MKX: variants seen among roughly 807,000 people sequenced by gnomAD.
MKX encodes the protein mohawk homeobox, also known as homeobox protein Mohawk.
A neutral mutation model predicts 36.0 loss-of-function variants in MKX; 13 were observed. The observed-to-expected ratio is 0.36, with a 90% CI of 0.24 to 0.57. The LOEUF is 0.57. MKX is among the 20% of genes least tolerant of loss of function. The probability of loss-of-function intolerance (pLI) is 0.79; values close to 1 mark genes in which losing one functional copy is unlikely to be tolerated. For missense variants in MKX, 458 were observed against 456.4 expected (o/e 1.00, Z -0.03); for synonymous variants, 176 against 178.3 (o/e 0.99, Z 0.10).
intron 5 of MKX, among the ~76,000 whole-genome samples, chr10:27,683,925 A>C (rs1308622552): frequency 6.6e-6 from 1 of 152,186 alleles, no homozygotes; most frequent in Admixed American, 6.5e-5. Flanking sequence ...TGCAGTCTCC[A>C]TCTCTACTTC....
chr10:27,723,664 TC>T (rs1399680226), intron 5 of MKX, among the ~76,000 whole-genome samples: 2 of 152,198 alleles, frequency 1.3e-5, no homozygotes, highest in African/African-American at 4.8e-5. Flanking sequence ...AGGAATTCTC[TC>T]CCTTGCCAGA....
intron 3 of MKX, among the ~76,000 whole-genome samples, chr10:27,738,389 C>T (rs987063832): frequency 6.6e-6 from 1 of 152,012 alleles, no homozygotes; most frequent in African/African-American, 2.4e-5. Flanking sequence ...TTCAAATTTT[C>T]CACTTTTAAT....
chr10:27,734,799 G>A lies in MKX; in HGVS notation c.503-8C>T. 6.3e-7 allele frequency: 1 copy of A among 1,599,062 alleles called. No individual in the cohort carries two copies. Among genetic ancestry groups the A allele is most frequent in the Middle Eastern group, 1.7e-4 (1 of 5,880 alleles). On this transcript the variant is annotated splice_region_variant and splice_polypyrimidine_tract_variant and intron_variant, in intron 4 of 6. Coordinates refer to ENST00000419761, the MANE Select transcript of MKX (RefSeq NM_173576.3). The stretch of plus-strand genomic sequence containing the variant: ...TTGGAGGATTTTCTCCATCTAAAGT[G>A]GAACAGTATCACTAAGTAGGGTGGT...
At chr10:27,727,698 C>A (rs763515862) in intron 5 of MKX, among the ~76,000 whole-genome samples, 44 of 152,152 alleles carry the variant, frequency 2.9e-4, no homozygotes, top group Non-Finnish European at 8.8e-5. Context: ...TAGAAAAGTT[C>A]TCTTTTAAAA....
intron 5 of MKX, among the ~76,000 whole-genome samples, chr10:27,714,813 T>C (rs895661860): frequency 5.3e-5 from 8 of 152,246 alleles, no homozygotes; most frequent in African/African-American, 1.9e-4. Context: ...CCTTAAACCT[T>C]GATTAGATGT....
At chr10:27,705,586 C>A (rs1836733425) in intron 5 of MKX, among the ~76,000 whole-genome samples, 1 of 152,058 alleles carries the variant, frequency 6.6e-6, no homozygotes, top group Admixed American at 6.5e-5. Flanking sequence ...AACTCATGGC[C>A]CCAAGCAATC....
intron 5 of MKX, among the ~76,000 whole-genome samples, chr10:27,687,733 C>T (rs1040807154): frequency 6.6e-6 from 1 of 152,366 alleles, no homozygotes; most frequent in South Asian, 2.1e-4. Context: ...GATTGCTCCT[C>T]TGTGATCTCA....
chr10:27,736,931 A>G (rs1464760322), intron 3 of MKX, among the ~76,000 whole-genome samples: 1 of 152,150 alleles, frequency 6.6e-6, no homozygotes, highest in East Asian at 1.9e-4. Flanking sequence ...AAGCTATGTT[A>G]CTATTACTAA....
chr10:27,741,049 A>T lies in MKX; in HGVS notation c.348+296T>A. Among the ~76,000 whole-genome samples, 1 of 152,144 alleles carries T rather than the reference A, an allele frequency of 6.6e-6. No individual in the cohort carries two copies. Among genetic ancestry groups the T allele is most frequent in the Admixed American group, 6.5e-5 (1 of 15,286 alleles). ...CGAAACTCGGAGGTGGGGCCTAGCG[A>T]TTCGTGTTTTAAGCTCTCCAGGCGA... On this transcript the variant is annotated intron_variant, in intron 3 of 6. Transcript: ENST00000419761. The surrounding 1 kb of genome is among the most constrained non-coding windows in gnomAD (Gnocchi z 5.1).
intron 5 of MKX, among the ~76,000 whole-genome samples, chr10:27,715,772 C>T (rs904711518): frequency 1.3e-5 from 2 of 152,104 alleles, no homozygotes; most frequent in Non-Finnish European, 2.9e-5. Context: ...CGTCAGCTGC[C>T]TGAGATGAGA....
chr10:27,740,124 C>A (rs1323229453), intron 3 of MKX, among the ~76,000 whole-genome samples: 1 of 152,160 alleles, frequency 6.6e-6, no homozygotes, highest in Non-Finnish European at 1.5e-5. Context: ...ATTACGTATT[C>A]TAGTATTGAT....
chr10:27,701,626 T>C (rs1337943850), intron 5 of MKX, among the ~76,000 whole-genome samples: 1 of 145,058 alleles, frequency 6.9e-6, no homozygotes, highest in African/African-American at 2.5e-5. Context: ...AATATTAAAA[T>C]AATAATATAT....
At chr10:27,732,198 C>G (rs929322148) in intron 5 of MKX, among the ~76,000 whole-genome samples, 1 of 151,904 alleles carries the variant, frequency 6.6e-6, no homozygotes, top group East Asian at 1.9e-4. Flanking sequence ...AAAATTGATA[C>G]TTTTTATATG....
At position 27,744,576 on chromosome 10, in the gene MKX, C is replaced by G. The variant is rs1835004937; in HGVS notation, c.-82-1079G>C. On this transcript the variant is annotated intron_variant, in intron 1 of 6. Coordinates refer to ENST00000419761, the MANE Select transcript of MKX (RefSeq NM_173576.3). The surrounding 1 kb of genome is among the most constrained non-coding windows in gnomAD (Gnocchi z 5.6). ...CCCCAAGGCGCGCGGCGGACTTCGC[C>G]CGCCCCATCTCCTCGCCTCGCGCCT... Among the ~76,000 whole-genome samples the G allele has an allele frequency of 6.6e-6, 1 of 152,124 alleles. No individual in the cohort carries two copies. The highest frequency in any genetic ancestry group is 2.4e-5 in the African/African-American group (1 of 41,434).
chr10:27,689,259 G>A (rs990816921), intron 5 of MKX, among the ~76,000 whole-genome samples: 2 of 152,038 alleles, frequency 1.3e-5, no homozygotes, highest in East Asian at 1.9e-4. Flanking sequence ...AGCGGCAAAC[G>A]GCAGTTTTTC....
At chr10:27,706,992 C>T (rs749154127) in intron 5 of MKX, among the ~76,000 whole-genome samples, 8 of 152,198 alleles carry the variant, frequency 5.3e-5, no homozygotes, top group African/African-American at 1.4e-4. Context: ...AAGCACTGTT[C>T]GTCATGGTCA....
intron 5 of MKX, among the ~76,000 whole-genome samples, chr10:27,698,436 CA>C (rs1472089205): frequency 1.3e-5 from 2 of 152,032 alleles, no homozygotes; most frequent in Non-Finnish European, 1.5e-5. Flanking sequence ...AAGGGAGTAG[CA>C]GGGGGGATGG....
At chr10:27,728,842 G>A (rs1051753525) in intron 5 of MKX, among the ~76,000 whole-genome samples, 11 of 152,110 alleles carry the variant, frequency 7.2e-5, no homozygotes, top group African/African-American at 2.4e-4. Context: ...AAGAAAAATG[G>A]TTTGGAGATG....
At chr10:27,729,405 A>C (rs1245692432) in intron 5 of MKX, among the ~76,000 whole-genome samples, 2 of 151,398 alleles carry the variant, frequency 1.3e-5, no homozygotes, top group African/African-American at 4.9e-5. Context: ...CCCAGGTTCA[A>C]GTGATCCCCC....
Sources: gnomAD v4.1 joint callset for allele counts (sites outside exome capture counted in the v4.1 genomes callset) on GRCh38, gnomAD v4.1.1 for gene constraint, Gnocchi (gnomAD v3.1) non-coding constraint, MANE v1.5 for transcripts, NCBI Gene and HGNC (gene_info 2026-07-23, HGNC 2026-07-21) for gene names.